USP24: variants seen among roughly 807,000 people sequenced by gnomAD.
USP24 encodes the protein ubiquitin specific peptidase 24.
In USP24, 97 loss-of-function variants were observed where a neutral mutation model predicts 361.6. The observed-to-expected ratio is 0.27, with a 90% confidence interval of 0.23 to 0.32. The LOEUF is 0.32. Ranked by LOEUF, USP24 falls within the 10% of genes least tolerant of loss-of-function variation. The pLI is 1.00. For missense variants in USP24, 2,353 were observed against 3,165.6 expected, an observed-to-expected ratio of 0.74 and a Z score of 6.16; for synonymous variants, 1,098 against 1,124.6, an observed-to-expected ratio of 0.98 and a Z score of 0.47.
At chr1:55,152,866 A>C (rs756202759) in intron 16 of USP24, among the ~76,000 whole-genome samples, 26 of 152,184 alleles carry the variant, frequency 1.7e-4, no homozygotes, top group Non-Finnish European at 2.6e-4. Context: ...CAAACACAAC[A>C]TAAGAAATAA....
chr1:55,197,103 G>T lies in USP24; in HGVS notation c.324+17687C>A, dbSNP rs147141562. On this transcript the variant is annotated intron_variant, in intron 1 of 67. Transcript: ENST00000294383. ...TTTAGGCCTGTTACAGAAAACTTTTGCCCACCCCTAGTTTAGAATGCCGTT... is the reference window on the plus strand; with the variant it reads ...TTTAGGCCTGTTACAGAAAACTTTTTCCCACCCCTAGTTTAGAATGCCGTT... Among the ~76,000 whole-genome samples, 479 of 152,220 alleles carry T rather than the reference G, an allele frequency of 3.1e-3. 1 individual carries two copies. The highest frequency in any genetic ancestry group is 0.011 in the African/African-American group (444 of 41,546).
At chr1:55,105,692 A>C (rs1244526422) in intron 41 of USP24, among the ~76,000 whole-genome samples, 1 of 152,202 alleles carries the variant, frequency 6.6e-6, no homozygotes, top group Non-Finnish European at 1.5e-5. Flanking sequence ...ACAAAATTTG[A>C]TTCCAAAATT....
chr1:55,072,051 A>G (rs1644932095), intron 66 of USP24, 127 bp from the exon 67 acceptor site: 2 of 855,220 alleles, frequency 2.3e-6, no homozygotes, highest in Admixed American at 2.0e-5. Context: ...GGCCTTCATC[A>G]CAGTCACCAG....
chr1:55,129,609 C>T (rs754266418), intron 31 of USP24, 35 bp from the exon 32 acceptor site: 8 of 1,556,040 alleles, frequency 5.1e-6, no homozygotes, highest in African/African-American at 1.4e-5. Flanking sequence ...TTCATCCACA[C>T]ATTTTCAGCA....
At chr1:55,138,018 C>T (rs909181369) in intron 26 of USP24, 114 bp from the exon 27 acceptor site, 27 of 1,016,196 alleles carry the variant, frequency 2.7e-5, no homozygotes, top group Non-Finnish European at 3.9e-5. Flanking sequence ...GGGAACACAG[C>T]AGAGAACATA....
In USP24 at chr1:55,132,688, A is replaced by C. The variant is rs780064360; in HGVS notation, c.3394T>G (p.Ser1132Ala). Residue 1132 changes from serine to alanine, a missense_variant, in exon 31 of 68, where the codon TCT becomes GCT. By Grantham distance (99) the Ser-to-Ala change is moderately conservative. Around this residue, in one of 8 missense-constraint regions of USP24, gnomAD observed 949 missense variants for 1,280.5 expected, o/e 0.74. Coordinates refer to ENST00000294383, the MANE Select transcript of USP24 (RefSeq NM_015306.3). ...TTTGAGGACTGAGAACTTGATTCAG[A>C]CAGCAATGTTTTCTAAGTTTAAGAG... ...DSLGRKKTLL[S>A]ESSSQSSKSP... is the part of the protein sequence containing the mutation. 10 of 1,613,096 alleles carry C rather than the reference A, an allele frequency of 6.2e-6. No homozygotes were observed. The highest frequency in any genetic ancestry group is 4.4e-5 in the South Asian group (4 of 90,918).
At chr1:55,071,500 C>G in intron 67 of USP24, 2 of 1,092,104 alleles carry the variant, frequency 1.8e-6, no homozygotes, top group Non-Finnish European at 2.2e-6. Context: ...CCTGGCAAGG[C>G]AGAATAAAGT....
chr1:55,101,553 C>A (rs755097099), intron 43 of USP24, 31 bp downstream of exon 43: 3 of 1,578,628 alleles, frequency 1.9e-6, no homozygotes, highest in South Asian at 1.2e-5. Flanking sequence ...TATTATCTAT[C>A]GTACCAAAAA....
intron 62 of USP24, 141 bp from the exon 63 acceptor site, chr1:55,075,664 AAC>A (rs747211800): frequency 2.5e-6 from 1 of 394,866 alleles, no homozygotes; most frequent in Non-Finnish European, 4.1e-6. Flanking sequence ...CAACAACAAC[AAC>A]ACCACCACCA....
chr1:55,070,465 C>T (rs930690249), intron 67 of USP24, among the ~76,000 whole-genome samples: 10 of 152,164 alleles, frequency 6.6e-5, no homozygotes, highest in East Asian at 1.9e-4. Flanking sequence ...GTGTTTCAAA[C>T]GGGAAGAGCG....
intron 1 of USP24, among the ~76,000 whole-genome samples, chr1:55,192,472 T>C (rs968509821): frequency 4.6e-5 from 7 of 152,216 alleles, no homozygotes; most frequent in South Asian, 4.1e-4. Flanking sequence ...GATCAATATA[T>C]AGAAAAATGA....
At chr1:55,202,273 T>C (rs931960993) in intron 1 of USP24, among the ~76,000 whole-genome samples, 1 of 152,234 alleles carries the variant, frequency 6.6e-6, no homozygotes, top group Non-Finnish European at 1.5e-5. Context: ...CGGTTGATAT[T>C]TGCCGTCATT....
chr1:55,087,185 A>G lies in USP24; in HGVS notation c.6669-1147T>C, dbSNP rs186089606. 5.9e-3 allele frequency among the ~76,000 whole-genome samples: 891 copies of G among 152,292 alleles called. 8 individuals are homozygous for G. The highest frequency in any genetic ancestry group is 5.6e-3 in the Non-Finnish European group (384 of 68,018). ...TCTTAAAAATTATAAAGAAATAAGT[A>G]ATTAGAAAAAAAGATCATTAATTCT... On this transcript the variant is annotated intron_variant, in intron 55 of 67. Coordinates refer to ENST00000294383, the MANE Select transcript of USP24 (RefSeq NM_015306.3).
chr1:55,171,728 A>C, intron 4 of USP24, 50 bp from the exon 5 acceptor site: 1 of 1,543,006 alleles, frequency 6.5e-7, no homozygotes, highest in Non-Finnish European at 8.8e-7. Flanking sequence ...CTATAGCAAC[A>C]CATATTAGCA....
intron 56 of USP24, among the ~76,000 whole-genome samples, chr1:55,084,230 T>G (rs1645206267): frequency 6.6e-6 from 1 of 152,178 alleles, no homozygotes; most frequent in South Asian, 2.1e-4. Flanking sequence ...AAGACATTTC[T>G]GAATCCCTCC....
chr1:55,182,092 G>A (rs1237748848), intron 1 of USP24, among the ~76,000 whole-genome samples: 1 of 152,150 alleles, frequency 6.6e-6, no homozygotes, highest in Admixed American at 6.5e-5. Context: ...TCGCTCTGCT[G>A]CCAGGCTGGA....
chr1:55,086,051 G>C lies in USP24; in HGVS notation c.6669-13C>G. The C allele has an allele frequency of 1.2e-6, 2 of 1,613,010 alleles. No homozygotes were observed. Among genetic ancestry groups the C allele is most frequent in the South Asian group, 2.2e-5 (2 of 91,052 alleles). On this transcript the variant is annotated splice_polypyrimidine_tract_variant and intron_variant, in intron 55 of 67. Transcript: ENST00000294383. ...CAGTAAGAAAATCCTGAAAGAAAGAGAAAGGTGGTGTGAAAAAGCAAGATA... is the reference window on the plus strand; with the variant it reads ...CAGTAAGAAAATCCTGAAAGAAAGACAAAGGTGGTGTGAAAAAGCAAGATA...
At chr1:55,203,144 G>A (rs1030849921) in intron 1 of USP24, among the ~76,000 whole-genome samples, 2 of 152,114 alleles carry the variant, frequency 1.3e-5, no homozygotes, top group Non-Finnish European at 2.9e-5. Context: ...GTGGTTTTCC[G>A]CATCCTCTGG....
In USP24 at chr1:55,132,083, C is replaced by T. The variant is rs1646609465; in HGVS notation, c.3537+462G>A. On this transcript the variant is annotated intron_variant, in intron 31 of 67. Coordinates refer to ENST00000294383, the MANE Select transcript of USP24 (RefSeq NM_015306.3). The stretch of plus-strand genomic sequence containing the variant: ...CTTAACCACCACCATGACTTGTAGA[C>T]AGTAAACAATTAAATGTATTAAAGC... Among the ~76,000 whole-genome samples the T allele has an allele frequency of 2.0e-5, 3 of 152,174 alleles. No individual in the cohort carries two copies. The South Asian group carries it at 6.2e-4, about 32-fold the overall frequency.
Sources: gnomAD v4.1 joint callset for allele counts (sites outside exome capture counted in the v4.1 genomes callset) on GRCh38, gnomAD v4.1.1 for gene constraint, gnomAD v4.1.1 regional missense constraint, MANE v1.5 for transcripts, NCBI Gene and HGNC (gene_info 2026-07-23, HGNC 2026-07-21) for gene names.